The following ZBTB7C variants were observed in gnomAD, a reference collection of about 807,000 sequenced individuals.
ZBTB7C encodes zinc finger and BTB domain-containing protein 7C.
ZBTB7C carries 8 observed loss-of-function variants against 25.7 expected under a neutral mutation model. The observed-to-expected ratio is 0.31, with a 90% CI of 0.18 to 0.56. The LOEUF is 0.56. Among genes scored for constraint, ZBTB7C ranks in the 20% least tolerant of loss-of-function variants. The pLI is 0.91. For missense variants in ZBTB7C, 824 were observed against 855.2 expected (o/e 0.96, Z 0.46); for synonymous variants, 394 against 369.0 (o/e 1.07, Z -0.78).
At chr18:48,128,867 T>C (rs2144760937) in intron 3 of ZBTB7C, among the ~76,000 whole-genome samples, 2 of 152,138 alleles carry the variant, frequency 1.3e-5, no homozygotes, top group Middle Eastern at 3.4e-3. Flanking sequence ...AAATAAATTT[T>C]TTTTTTTAAA....
At chr18:48,355,068 G>A (rs564236395) in intron 1 of ZBTB7C, among the ~76,000 whole-genome samples, 2 of 152,252 alleles carry the variant, frequency 1.3e-5, no homozygotes, top group Admixed American at 1.3e-4. Flanking sequence ...AAGCCTACTG[G>A]GCCCTGGAGA....
At chr18:48,057,205 T>TA (rs55813261) in intron 3 of ZBTB7C, among the ~76,000 whole-genome samples, 17,407 of 151,776 alleles carry the variant, frequency 0.11, 1,199 homozygotes, top group South Asian at 0.19. Context: ...GGGCCAAAAA[T>TA]AAAAAAAATT....
intron 2 of ZBTB7C, among the ~76,000 whole-genome samples, chr18:48,293,907 G>A (rs939479268): frequency 9.2e-5 from 14 of 152,210 alleles, no homozygotes; most frequent in African/African-American, 2.9e-4. Flanking sequence ...CATGAGCCAC[G>A]ATGCCCAGCC....
intron 3 of ZBTB7C, among the ~76,000 whole-genome samples, chr18:48,107,511 C>T (rs62087381): frequency 6.6e-6 from 1 of 151,708 alleles, no homozygotes; most frequent in African/African-American, 2.4e-5. Flanking sequence ...AAAGAAGATT[C>T]CTGGAGGTCA....
At chr18:48,127,626 A>G (rs947856262) in intron 3 of ZBTB7C, among the ~76,000 whole-genome samples, 20 of 152,144 alleles carry the variant, frequency 1.3e-4, no homozygotes, top group African/African-American at 4.8e-4. Flanking sequence ...CCAGGGCCCC[A>G]CTGTTCTCCC....
chr18:48,144,796 T>C (rs1157446113), intron 3 of ZBTB7C, among the ~76,000 whole-genome samples: 3 of 152,194 alleles, frequency 2.0e-5, no homozygotes, highest in East Asian at 3.8e-4. Context: ...GGGAGAGTTC[T>C]ACTCCTGATG....
intron 3 of ZBTB7C, among the ~76,000 whole-genome samples, chr18:48,132,026 T>G (rs1166098131): frequency 6.6e-6 from 1 of 152,144 alleles, no homozygotes; most frequent in Non-Finnish European, 1.5e-5. Context: ...ACCCAGCAAT[T>G]CCACTCCTAG....
chr18:48,164,339 G>A (rs1470260933), intron 3 of ZBTB7C, among the ~76,000 whole-genome samples: 1 of 152,170 alleles, frequency 6.6e-6, no homozygotes, highest in Non-Finnish European at 1.5e-5. Context: ...TGCTGCCTAG[G>A]GGAGCTGAAG....
rs117744770 is a variant in ZBTB7C, at chr18:48,036,791, G to A, written c.1208+3109C>T. On this transcript the variant is annotated intron_variant, in intron 4 of 4. Coordinates refer to ENST00000590800, the MANE Select transcript of ZBTB7C (RefSeq NM_001318841.2). ...GAAGAGCTTCCAGGTGGAAGGGGCA[G>A]GTGTTAGGAATCGCGTTGGGGAATT... Among the ~76,000 whole-genome samples, 1,369 of 152,272 alleles carry A rather than the reference G, an allele frequency of 9.0e-3. 9 individuals are homozygous for A. The highest frequency in any genetic ancestry group is 0.013 in the Non-Finnish European group (900 of 68,020).
intron 2 of ZBTB7C, among the ~76,000 whole-genome samples, chr18:48,225,597 A>G (rs2043068265): frequency 6.6e-6 from 1 of 152,132 alleles, no homozygotes; most frequent in Non-Finnish European, 1.5e-5. Context: ...TTATTTTTTC[A>G]GCACTTGAAT....
At chr18:48,356,166 G>GGTTTTCCA (rs2046973420) in intron 1 of ZBTB7C, among the ~76,000 whole-genome samples, 1 of 152,116 alleles carries the variant, frequency 6.6e-6, no homozygotes, top group African/African-American at 2.4e-5. Context: ...TATTCAACAG[G>GGTTTTCCA]GTTTTCCAGC....
intron 1 of ZBTB7C, among the ~76,000 whole-genome samples, chr18:48,368,723 A>T (rs2047313529): frequency 6.6e-6 from 1 of 152,186 alleles, no homozygotes; most frequent in South Asian, 2.1e-4. Context: ...CTATTAGGGG[A>T]AAAACAATTA....
intron 2 of ZBTB7C, among the ~76,000 whole-genome samples, chr18:48,216,399 GACACA>G (rs2042823710): frequency 6.6e-6 from 1 of 152,164 alleles, no homozygotes; most frequent in African/African-American, 2.4e-5. Flanking sequence ...GAGTGCTGCA[GACACA>G]TTGGAAGCAG....
chr18:48,269,872 T>C (rs1463627981), intron 2 of ZBTB7C, among the ~76,000 whole-genome samples: 1 of 152,220 alleles, frequency 6.6e-6, no homozygotes, highest in Non-Finnish European at 1.5e-5. Context: ...GGAGGTTCAT[T>C]AGCTTGGTCC....
intron 3 of ZBTB7C, among the ~76,000 whole-genome samples, chr18:48,106,803 G>C (rs1203413429): frequency 6.9e-6 from 1 of 144,046 alleles, no homozygotes; most frequent in Non-Finnish European, 1.5e-5. Context: ...GCATTGGAAA[G>C]AACCAGGGAA....
At chr18:48,100,763 C>G (rs1396170818) in intron 3 of ZBTB7C, among the ~76,000 whole-genome samples, 1 of 152,108 alleles carries the variant, frequency 6.6e-6, no homozygotes, top group East Asian at 1.9e-4. Context: ...CTGAAGCAAC[C>G]CCCTGGGGAA....
At chr18:48,340,526 C>T (rs2046574484) in intron 1 of ZBTB7C, among the ~76,000 whole-genome samples, 1 of 152,152 alleles carries the variant, frequency 6.6e-6, no homozygotes, top group Non-Finnish European at 1.5e-5. Flanking sequence ...GCAGAAGATG[C>T]CATGGGGGAA....
chr18:48,078,039 C>T (rs2037840728), intron 3 of ZBTB7C, among the ~76,000 whole-genome samples: 1 of 152,144 alleles, frequency 6.6e-6, no homozygotes, highest in African/African-American at 2.4e-5. Flanking sequence ...CCCCCCATAC[C>T]ATGACTCTCC....
Position 48,029,230 on chromosome 18 carries a change from G to C in ZBTB7C, c.*30C>G. ...GGCCTGGAGGGAGAAGGACTGGAGG[G>C]CTGGTGGGCTGGAGCCGACAGGGAC... On this transcript the variant is annotated 3_prime_UTR_variant, in exon 5 of 5. Coordinates refer to ENST00000590800, the MANE Select transcript of ZBTB7C (RefSeq NM_001318841.2). 1 of 1,522,008 alleles carries C rather than the reference G, an allele frequency of 6.6e-7. No individual in the cohort carries two copies. The highest frequency in any genetic ancestry group is 8.7e-7 in the Non-Finnish European group (1 of 1,144,200). The allele number at this position is 1,522,008 out of a possible 1,614,324, so 94.3% of individuals were successfully genotyped here.
Sources: allele counts gnomAD v4.1 joint callset (sites outside exome capture counted in the v4.1 genomes callset), GRCh38; gene constraint gnomAD v4.1.1; transcripts MANE v1.5; gene names NCBI Gene and HGNC (gene_info 2026-07-23, HGNC 2026-07-21).